EXOC6: variants seen among roughly 807,000 people sequenced by gnomAD.
EXOC6 encodes the protein exocyst complex component 6.
A neutral mutation model predicts 112.5 loss-of-function variants in EXOC6; 60 were observed. The observed-to-expected ratio is 0.53, with a 90% CI of 0.43 to 0.66. The LOEUF is 0.66. Ranked by LOEUF, EXOC6 falls within the 30% of genes least tolerant of loss-of-function variation. The pLI is 0.00. For synonymous variants in EXOC6, 295 were observed against 308.0 expected, an observed-to-expected ratio of 0.96 and a Z score of 0.44; for missense variants, 855 against 957.1, an observed-to-expected ratio of 0.89 and a Z score of 1.41.
At chr10:92,996,963 G>A (rs1260629734) in intron 18 of EXOC6, among the ~76,000 whole-genome samples, 1 of 152,104 alleles carries the variant, frequency 6.6e-6, no homozygotes, top group East Asian at 1.9e-4. Context: ...GTTCTGATTA[G>A]AAGTAAGGAC....
intron 9 of EXOC6, among the ~76,000 whole-genome samples, chr10:92,929,581 CT>C (rs2133938720): frequency 6.6e-6 from 1 of 152,210 alleles, no homozygotes; most frequent in African/African-American, 2.4e-5. Context: ...AATAGTGCTA[CT>C]TAGTATATTT....
At chr10:92,975,907 C>T (rs1240425444) in intron 18 of EXOC6, among the ~76,000 whole-genome samples, 9 of 137,238 alleles carry the variant, frequency 6.6e-5, no homozygotes, top group South Asian at 2.4e-4. Flanking sequence ...CCGCCCCGTC[C>T]GGGAGGGAGG....
At chr10:92,831,328 G>A, upstream of EXOC6, 1 of 1,289,076 alleles carries the variant, frequency 7.8e-7, no homozygotes, top group South Asian at 1.2e-5. Flanking sequence ...TGAATGTGCT[G>A]TGTAGGAGGA....
At chr10:92,866,253 T>C (rs1368929367) in intron 1 of EXOC6, among the ~76,000 whole-genome samples, 3 of 152,170 alleles carry the variant, frequency 2.0e-5, no homozygotes, top group Admixed American at 2.0e-4. Context: ...GGATTAAACA[T>C]TGAGAACTGT....
At chr10:93,034,779 C>A (rs1845436147) in intron 20 of EXOC6, among the ~76,000 whole-genome samples, 1 of 152,154 alleles carries the variant, frequency 6.6e-6, no homozygotes, top group Admixed American at 6.5e-5. Context: ...TTAAACAAAT[C>A]TTCTTTTGTT....
At chr10:92,939,926 G>A (rs552165603) in intron 12 of EXOC6, among the ~76,000 whole-genome samples, 4 of 152,208 alleles carry the variant, frequency 2.6e-5, no homozygotes, top group Admixed American at 2.0e-4. Context: ...ATTGTAGTAC[G>A]TTTGACTTTG....
intron 8 of EXOC6, among the ~76,000 whole-genome samples, chr10:92,923,297 G>GT (rs1851542659): frequency 6.6e-6 from 1 of 152,104 alleles, no homozygotes; most frequent in Admixed American, 6.5e-5. Flanking sequence ...CATTTCTTTA[G>GT]TTTATCATTG....
intron 20 of EXOC6, among the ~76,000 whole-genome samples, chr10:93,019,262 G>A (rs901447380): frequency 6.6e-6 from 1 of 152,144 alleles, no homozygotes; most frequent in Non-Finnish European, 1.5e-5. Flanking sequence ...TTACAGGCGT[G>A]AGCCACCACA....
chr10:92,958,371 C>T (rs1240901413), intron 17 of EXOC6, among the ~76,000 whole-genome samples: 1 of 152,194 alleles, frequency 6.6e-6, no homozygotes, highest in Non-Finnish European at 1.5e-5. Flanking sequence ...TAACTTGGCT[C>T]CAAGGAGCTT....
intron 18 of EXOC6, 55 bp from the exon 19 acceptor site, chr10:92,997,419 A>G: frequency 1.3e-6 from 2 of 1,501,596 alleles, no homozygotes; most frequent in South Asian, 1.3e-5. Flanking sequence ...ATTCTTTATG[A>G]TGTATTTCTA....
chr10:92,928,287 G>A, intron 8 of EXOC6, 52 bp from the exon 9 acceptor site: 1 of 972,526 alleles, frequency 1.0e-6, no homozygotes, highest in South Asian at 1.5e-5. Flanking sequence ...ATCTGTTTTA[G>A]TTGTATGTGT....
Position 93,014,223 on chromosome 10 carries a change from T to A in EXOC6, c.2125T>A (p.Phe709Ile), listed in dbSNP as rs867588058. ...TGCCAGCTCTGAGCCTGTGCCAGGA[T>A]TCCAGGGGGATACCCTGCAGCTAGC... is the stretch of plus-strand genomic sequence containing the variant. ...LFASSEPVPG[F>I]QGDTLQLAFI... Residue 709 changes from phenylalanine to isoleucine, a missense_variant, in exon 20 of 22, where the codon TTC becomes ATC. By Grantham distance (21) the Phe-to-Ile change is conservative. This residue lies in a region of EXOC6 where 450 missense variants were observed against 563.5 expected (regional missense o/e 0.80). Coordinates refer to ENST00000260762, the MANE Select transcript of EXOC6 (RefSeq NM_019053.6). 1.2e-6 allele frequency: 2 copies of A among 1,613,710 alleles called. No homozygotes were observed. Among genetic ancestry groups the A allele is most frequent in the African/African-American group, 2.7e-5 (2 of 74,906 alleles).
At chr10:92,883,506 C>G (rs1002575298) in intron 1 of EXOC6, among the ~76,000 whole-genome samples, 2 of 151,996 alleles carry the variant, frequency 1.3e-5, no homozygotes, top group South Asian at 4.2e-4. Context: ...GAAAAGAATT[C>G]AGTATAAATA....
intron 18 of EXOC6, among the ~76,000 whole-genome samples, chr10:92,976,232 G>A (rs1226580920): frequency 3.3e-5 from 5 of 152,206 alleles, no homozygotes; most frequent in African/African-American, 1.2e-4. Context: ...GGAATAGAAA[G>A]GGGGGAAAGG....
intron 1 of EXOC6, among the ~76,000 whole-genome samples, chr10:92,853,578 T>TA (rs2133639418): frequency 6.6e-6 from 1 of 152,276 alleles, no homozygotes; most frequent in South Asian, 2.1e-4. Context: ...AGAAACCACA[T>TA]AAATAGATTA....
chr10:92,885,942 A>G (rs377408442), intron 1 of EXOC6, among the ~76,000 whole-genome samples: 7 of 152,144 alleles, frequency 4.6e-5, no homozygotes, highest in East Asian at 1.9e-4. Context: ...AAAGTTTACT[A>G]ATTTTCTAAT....
At chr10:93,053,546 G>A (rs892908089) in intron 20 of EXOC6, among the ~76,000 whole-genome samples, 10 of 152,180 alleles carry the variant, frequency 6.6e-5, no homozygotes, top group African/African-American at 2.2e-4. Context: ...CAATACCCCA[G>A]TGAAAAGCTG....
intron 18 of EXOC6, among the ~76,000 whole-genome samples, chr10:92,996,459 C>T (rs569095404): frequency 3.3e-5 from 5 of 152,090 alleles, no homozygotes; most frequent in African/African-American, 1.2e-4. Flanking sequence ...CTACTGAAAA[C>T]ACAAAAAATT....
intron 2 of EXOC6, 78 bp from the exon 3 acceptor site, chr10:92,894,716 C>A: frequency 1.8e-6 from 2 of 1,092,726 alleles, no homozygotes; most frequent in Non-Finnish European, 2.8e-6. Context: ...GAAGCATGAT[C>A]TGATTACAAG....
Sources: allele counts gnomAD v4.1 joint callset (sites outside exome capture counted in the v4.1 genomes callset), GRCh38; gene constraint gnomAD v4.1.1; regional missense constraint gnomAD v4.1.1; transcripts MANE v1.5; gene names NCBI Gene and HGNC (gene_info 2026-07-23, HGNC 2026-07-21).